ZNF521: variants seen among roughly 807,000 people sequenced by gnomAD.
ZNF521 encodes LYST-interacting protein 3.
Under a neutral mutation model 105.5 loss-of-function variants are expected in ZNF521, and 14 were observed. The observed-to-expected ratio is 0.13, with a 90% confidence interval of 0.09 to 0.21. The LOEUF (loss-of-function observed/expected upper bound fraction) is 0.21. Ranked by LOEUF, ZNF521 falls within the 10% of genes least tolerant of loss-of-function variation. ZNF521 has a pLI of 1.00. For missense variants in ZNF521, 1,233 were observed against 1,629.7 expected (o/e 0.76, Z 4.19); for synonymous variants, 635 against 606.0 (o/e 1.05, Z -0.70).
Position 25,143,770 on chromosome 18 carries a change from G to A in ZNF521, c.3658+51390C>T, listed in dbSNP as rs111440890. Among the ~76,000 whole-genome samples, 63 of 152,200 alleles carry A rather than the reference G, an allele frequency of 4.1e-4. 1 individual carries two copies. The highest frequency in any genetic ancestry group is 4.1e-3 in the East Asian group (21 of 5,176). On this transcript the variant is annotated intron_variant, in intron 5 of 7. Transcript: ENST00000361524. ...GCGATAACTATCCATAATAAATTCA[G>A]CCATCAAATTTCACAAGACTAGAAG...
intron 3 of ZNF521, among the ~76,000 whole-genome samples, chr18:25,255,492 G>A (rs181131685): frequency 6.6e-6 from 1 of 152,168 alleles, no homozygotes; most frequent in East Asian, 1.9e-4. Context: ...TGTAGTAACT[G>A]AATGTATTTT....
intron 3 of ZNF521, among the ~76,000 whole-genome samples, chr18:25,236,778 GATA>G (rs1468290619): frequency 3.3e-5 from 5 of 152,022 alleles, no homozygotes; most frequent in African/African-American, 1.2e-4. Context: ...TCTCAAATGA[GATA>G]ATGTTTATAA....
chr18:25,191,438 A>G (rs984253668), intron 5 of ZNF521, among the ~76,000 whole-genome samples: 1 of 152,082 alleles, frequency 6.6e-6, no homozygotes, highest in African/African-American at 2.4e-5. Flanking sequence ...TGGTGAGTGT[A>G]CTGCTGGTTG....
chr18:25,062,542 G>A lies in ZNF521; in HGVS notation c.*170C>T. 3.6e-6 allele frequency: 3 copies of A among 837,660 alleles called. No individual in the cohort carries two copies. The highest frequency in any genetic ancestry group is 5.6e-6 in the Non-Finnish European group (3 of 531,514). 51.9% of individuals were successfully genotyped at this position (837,660 alleles called of 1,614,324 possible). ...TTTATATACAAGGGGTCTATCCGGT[G>A]CGCAAAAGTTCAAACACATGAACAT... On this transcript the variant is annotated 3_prime_UTR_variant, in exon 8 of 8. Coordinates refer to ENST00000361524, the MANE Select transcript of ZNF521 (RefSeq NM_015461.3).
intron 3 of ZNF521, among the ~76,000 whole-genome samples, chr18:25,255,418 A>G (rs146070095): frequency 1.2e-3 from 184 of 152,268 alleles, no homozygotes; most frequent in Middle Eastern, 6.8e-3. Flanking sequence ...CCTTTCATAA[A>G]ATTACCAATA....
intron 3 of ZNF521, among the ~76,000 whole-genome samples, chr18:25,261,413 G>A (rs551344726): frequency 4.0e-4 from 61 of 152,116 alleles, no homozygotes; most frequent in Middle Eastern, 3.4e-3. Flanking sequence ...TGCCATTCTT[G>A]TCACATAGTA....
At chr18:25,072,460 T>A (rs150427614) in intron 7 of ZNF521, among the ~76,000 whole-genome samples, 1 of 152,156 alleles carries the variant, frequency 6.6e-6, no homozygotes, top group East Asian at 1.9e-4. Flanking sequence ...CTGTTGTGCA[T>A]ACCTGACAAG....
At chr18:25,334,801 T>C (rs985291404) in intron 2 of ZNF521, among the ~76,000 whole-genome samples, 3 of 152,140 alleles carry the variant, frequency 2.0e-5, no homozygotes, top group Admixed American at 6.6e-5. Flanking sequence ...GGATAAAACA[T>C]GCAGGCCTCC....
At chr18:25,231,462 A>G (rs769694435) in intron 3 of ZNF521, 1 of 152,272 alleles carries the variant, frequency 6.6e-6, no homozygotes, top group African/African-American at 2.4e-5. Context: ...GCAACAGAAC[A>G]CAGAGTACCT....
chr18:25,213,579 G>A (rs1453217803), intron 4 of ZNF521, among the ~76,000 whole-genome samples: 1 of 151,982 alleles, frequency 6.6e-6, no homozygotes, highest in African/African-American at 2.4e-5. Flanking sequence ...GTAAAATCAT[G>A]AATAAAAGTG....
At chr18:25,182,299 T>C (rs1567998228) in intron 5 of ZNF521, among the ~76,000 whole-genome samples, 1 of 152,208 alleles carries the variant, frequency 6.6e-6, no homozygotes, top group Non-Finnish European at 1.5e-5. Flanking sequence ...AATGAGTTTT[T>C]GGGTTACAAA....
intron 3 of ZNF521, among the ~76,000 whole-genome samples, chr18:25,288,558 T>C (rs1207011212): frequency 7.1e-6 from 1 of 141,266 alleles, no homozygotes; most frequent in East Asian, 2.0e-4. Context: ...ATTATTCAGC[T>C]GCATTATAAC....
At chr18:25,261,266 G>A (rs1185011460) in intron 3 of ZNF521, among the ~76,000 whole-genome samples, 4 of 152,132 alleles carry the variant, frequency 2.6e-5, no homozygotes, top group Admixed American at 2.6e-4. Context: ...TGATTAGCAG[G>A]AGCTAGGGGA....
chr18:25,237,648 A>G (rs1907004862), intron 3 of ZNF521, among the ~76,000 whole-genome samples: 2 of 152,224 alleles, frequency 1.3e-5, no homozygotes, highest in African/African-American at 4.8e-5. Context: ...CACATTGCTA[A>G]TATTCAAAGA....
chr18:25,165,370 G>C (rs894646989), intron 5 of ZNF521, among the ~76,000 whole-genome samples: 1 of 152,190 alleles, frequency 6.6e-6, no homozygotes, highest in Non-Finnish European at 1.5e-5. Flanking sequence ...ACACGGAGCA[G>C]AAGTCTTCAG....
At chr18:25,132,900 C>A (rs1431097551) in intron 5 of ZNF521, among the ~76,000 whole-genome samples, 1 of 152,126 alleles carries the variant, frequency 6.6e-6, no homozygotes, top group African/African-American at 2.4e-5. Context: ...CATACAGATG[C>A]CAAACGGGAG....
rs536969524 is a variant in ZNF521 at position 25,148,116 on chromosome 18, C to T, written c.3658+47044G>A. ...AAGGCTTTTATGAGACAGCAGTTGA[C>T]CATTTGGAGAAGGGGACAGCTGGGT... On this transcript the variant is annotated intron_variant, in intron 5 of 7. Coordinates refer to ENST00000361524, the MANE Select transcript of ZNF521 (RefSeq NM_015461.3). Among the ~76,000 whole-genome samples the T allele has an allele frequency of 4.6e-5, 7 of 152,038 alleles. No homozygotes were observed. The East Asian group carries it at 1.4e-3, about 29-fold the overall frequency.
chr18:25,214,503 C>T (rs887959974), intron 4 of ZNF521, among the ~76,000 whole-genome samples: 1 of 152,012 alleles, frequency 6.6e-6, no homozygotes, highest in Non-Finnish European at 1.5e-5. Flanking sequence ...TGATAGTATG[C>T]TTTCCTTATT....
chr18:25,308,876 C>T (rs1365975855), intron 3 of ZNF521, among the ~76,000 whole-genome samples: 1 of 151,942 alleles, frequency 6.6e-6, no homozygotes, highest in African/African-American at 2.4e-5. Context: ...GAAATGGTGC[C>T]TTAAACTTCA....
Sources: gnomAD v4.1 joint callset for allele counts (sites outside exome capture counted in the v4.1 genomes callset) on GRCh38, gnomAD v4.1.1 for gene constraint, MANE v1.5 for transcripts, NCBI Gene and HGNC (gene_info 2026-07-23, HGNC 2026-07-21) for gene names.